SEPTIN10: variants seen among roughly 807,000 people sequenced by gnomAD.
SEPTIN10 encodes septin-10.
SEPTIN10 carries 66 observed loss-of-function variants against 54.8 expected under a neutral mutation model. The ratio of observed to expected loss-of-function variants is 1.21; its 90% confidence interval spans 0.99 to 1.48. SEPTIN10 has a LOEUF of 1.48. Ranked by LOEUF, SEPTIN10 falls within the 40% of genes most tolerant of loss-of-function variation. SEPTIN10 has a pLI of 0.00. For missense variants in SEPTIN10, 620 were observed against 545.6 expected (o/e 1.14, Z -1.36); for synonymous variants, 161 against 181.0 (o/e 0.89, Z 0.89).
chr2:109,578,436 C>T lies in SEPTIN10; in HGVS notation c.414-3669G>A, dbSNP rs533500225. 1.2e-4 allele frequency among the ~76,000 whole-genome samples: 19 copies of T among 152,248 alleles called. No individual in the cohort carries two copies. In the South Asian group the frequency reaches 2.1e-3, roughly 17 times the overall value. ...CTACGTAATAATAAAAGTGTCAATG[C>T]TTCAGGATAAAATAAAAATGGAGAT... On this transcript the variant is annotated intron_variant, in intron 4 of 10. Coordinates refer to ENST00000397712, the MANE Select transcript of SEPTIN10 (RefSeq NM_144710.5).
chr2:109,582,920 A>T (rs1691569864), intron 4 of SEPTIN10, among the ~76,000 whole-genome samples: 1 of 152,236 alleles, frequency 6.6e-6, no homozygotes, highest in African/African-American at 2.4e-5. Context: ...AAAAATAAGC[A>T]ATGGGGAAAG....
At chr2:109,574,515 A>C in intron 5 of SEPTIN10, 66 bp downstream of exon 5, 1 of 1,037,150 alleles carries the variant, frequency 9.6e-7, no homozygotes, top group East Asian at 3.1e-5. Context: ...TCCATATTGT[A>C]AAAATATTTT....
intron 9 of SEPTIN10, among the ~76,000 whole-genome samples, chr2:109,549,032 A>G (rs1258415082): frequency 6.6e-6 from 1 of 152,204 alleles, no homozygotes; most frequent in Admixed American, 6.5e-5. Context: ...ATGCCTTTTC[A>G]GAGAAGCATC....
chr2:109,545,176 T>C (rs1284457627), intron 10 of SEPTIN10: 1 of 984,686 alleles, frequency 1.0e-6, no homozygotes, highest in African/African-American at 1.7e-5. Context: ...AGCACAGAGG[T>C]AGCTAGAGTA....
intron 4 of SEPTIN10, among the ~76,000 whole-genome samples, chr2:109,579,646 G>A (rs1219538685): frequency 6.6e-6 from 1 of 151,062 alleles, no homozygotes; most frequent in Non-Finnish European, 1.5e-5. Flanking sequence ...GCCTCCCAAA[G>A]TGCTGGGATT....
At chr2:109,563,526 G>C (rs1033059331) in intron 8 of SEPTIN10, among the ~76,000 whole-genome samples, 31 of 152,236 alleles carry the variant, frequency 2.0e-4, no homozygotes, top group African/African-American at 6.8e-4. Flanking sequence ...GTTCTGGAAT[G>C]CTACATCAAA....
intron 1 of SEPTIN10, among the ~76,000 whole-genome samples, chr2:109,598,454 T>G (rs977562347): frequency 1.3e-5 from 2 of 152,206 alleles, no homozygotes; most frequent in Admixed American, 6.5e-5. Flanking sequence ...GTTTTTAAAC[T>G]GTCCCTTGGG....
intron 1 of SEPTIN10, among the ~76,000 whole-genome samples, chr2:109,596,156 G>A (rs1257038495): frequency 3.3e-5 from 5 of 152,032 alleles, no homozygotes; most frequent in Non-Finnish European, 4.4e-5. Flanking sequence ...CTCAGTTTCC[G>A]AAACAGCTGG....
At chr2:109,546,817 T>C (rs999434052) in intron 9 of SEPTIN10, among the ~76,000 whole-genome samples, 11 of 152,146 alleles carry the variant, frequency 7.2e-5, no homozygotes, top group African/African-American at 2.7e-4. Flanking sequence ...GCTTTACATA[T>C]AAAAATACTC....
At chr2:109,597,564 C>T (rs1179561556) in intron 1 of SEPTIN10, among the ~76,000 whole-genome samples, 1 of 152,028 alleles carries the variant, frequency 6.6e-6, no homozygotes, top group East Asian at 2.0e-4. Context: ...CCATCTCAAA[C>T]CACCTTTGAC....
At chr2:109,569,596 A>T in intron 5 of SEPTIN10, among the ~76,000 whole-genome samples, 1 of 152,172 alleles carries the variant, frequency 6.6e-6, no homozygotes, top group East Asian at 1.9e-4. Flanking sequence ...GATGGCAGAA[A>T]ACTTTCCAGC....
intron 9 of SEPTIN10, 25 bp from the exon 10 acceptor site, chr2:109,546,262 C>A (rs563467397): frequency 6.1e-5 from 90 of 1,482,636 alleles, no homozygotes; most frequent in Non-Finnish European, 8.1e-5. Context: ...GCAATCCCCA[C>A]TACTGACACA....
chr2:109,585,620 T>C (rs1331823915), intron 3 of SEPTIN10, 101 bp downstream of exon 3: 6 of 883,248 alleles, frequency 6.8e-6, no homozygotes, highest in Non-Finnish European at 1.1e-5. Context: ...GGGATCATGA[T>C]TTCAAATTGA....
At chr2:109,579,405 T>C (rs1239806470) in intron 4 of SEPTIN10, among the ~76,000 whole-genome samples, 2 of 150,422 alleles carry the variant, frequency 1.3e-5, no homozygotes, top group Non-Finnish European at 3.0e-5. Context: ...TTTTTTGAGA[T>C]GGAGTTTCGC....
chr2:109,575,370 A>C (rs946099145), intron 4 of SEPTIN10, among the ~76,000 whole-genome samples: 1 of 152,248 alleles, frequency 6.6e-6, no homozygotes, highest in African/African-American at 2.4e-5. Flanking sequence ...AAAAAGCCTA[A>C]GTAAAGAAGA....
chr2:109,604,267 C>T (rs1345315309), intron 1 of SEPTIN10, among the ~76,000 whole-genome samples: 1 of 149,052 alleles, frequency 6.7e-6, no homozygotes, highest in African/African-American at 2.5e-5. Flanking sequence ...TTGCTTGAAC[C>T]TAGGAGGCAG....
chr2:109,570,684 G>A (rs1013028178), intron 5 of SEPTIN10, among the ~76,000 whole-genome samples: 2 of 152,006 alleles, frequency 1.3e-5, no homozygotes, highest in African/African-American at 4.8e-5. Context: ...ACCATGCCCA[G>A]CTAATTTTTT....
rs201144578 is a variant in SEPTIN10 at position 109,611,549 on chromosome 2, G to A, written c.30+2249C>T. ...GAGACGGGAGGATCGCTTGAGCCCA[G>A]GAGTTTGAGACCAGCCTGGGCAACA... On this transcript the variant is annotated intron_variant, in intron 1 of 10. Transcript: ENST00000397712. Among the ~76,000 whole-genome samples, 13 of 152,226 alleles carry A rather than the reference G, an allele frequency of 8.5e-5. No homozygotes were observed. The East Asian group carries it at 2.1e-3, about 25-fold the overall frequency.
chr2:109,591,734 G>A (rs2018352), intron 2 of SEPTIN10, among the ~76,000 whole-genome samples: 80,179 of 151,346 alleles, frequency 0.53, 22,542 homozygotes, highest in African/African-American at 0.73. Flanking sequence ...CCCGTCTCTA[G>A]TAACAATACA....
Sources: gnomAD v4.1 joint callset for allele counts (sites outside exome capture counted in the v4.1 genomes callset) on GRCh38, gnomAD v4.1.1 for gene constraint, MANE v1.5 for transcripts, NCBI Gene and HGNC (gene_info 2026-07-23, HGNC 2026-07-21) for gene names.